NF1: variants seen among roughly 807,000 people sequenced by gnomAD.
NF1 encodes neurofibromin 1.
A neutral mutation model predicts 325.7 loss-of-function variants in NF1; 122 were observed. That is an observed-to-expected ratio of 0.37 (90% confidence interval 0.32 to 0.44). The LOEUF is 0.44. Ranked by LOEUF, NF1 falls within the 20% of genes least tolerant of loss-of-function variation. The pLI is 1.00. For missense variants in NF1, 2,140 were observed against 3,415.4 expected, an observed-to-expected ratio of 0.63 and a Z score of 9.31; for synonymous variants, 1,091 against 1,186.0, an observed-to-expected ratio of 0.92 and a Z score of 1.65.
intron 34 of NF1, 31 bp from the exon 35 acceptor site, chr17:31,261,680 A>T: frequency 1.2e-6 from 2 of 1,611,172 alleles, no homozygotes; most frequent in Admixed American, 1.7e-5. Flanking sequence ...TGAACTGCTA[A>T]TTTTTTTTCT....
At chr17:31,350,088 A>G in intron 49 of NF1, 95 bp from the exon 50 acceptor site, 2 of 1,271,916 alleles carry the variant, frequency 1.6e-6, no homozygotes, top group South Asian at 2.4e-5. Context: ...TTTAACAGGT[A>G]CTATGCTCTT....
intron 31 of NF1, among the ~76,000 whole-genome samples, chr17:31,257,954 T>C (rs2067612045): frequency 1.3e-5 from 2 of 152,218 alleles, no homozygotes; most frequent in Admixed American, 6.5e-5. Context: ...TTTCACGTTA[T>C]AAAGTTGACC....
chr17:31,332,492 T>C (rs886117685), intron 39 of NF1, among the ~76,000 whole-genome samples: 11 of 151,450 alleles, frequency 7.3e-5, no homozygotes, highest in Non-Finnish European at 4.4e-5. Flanking sequence ...AATAAATGAA[T>C]GAATGAATGA....
chr17:31,320,489 T>A, intron 36 of NF1: 1 of 1,464,700 alleles, frequency 6.8e-7, no homozygotes, highest in Non-Finnish European at 9.5e-7. Context: ...ATGGTTGTTA[T>A]ATGTCATTGG....
At position 31,327,709 on chromosome 17, in the gene NF1, A is replaced by G. The variant is rs1299780528; in HGVS notation, c.5479A>G (p.Ile1827Val). Residue 1827 changes from isoleucine to valine, a missense_variant, in exon 38 of 58, where the codon ATC becomes GTC. Coordinates refer to ENST00000358273, the MANE Select transcript of NF1 (RefSeq NM_001042492.3). ...AGCCATTGTCCAGTCTATCATTCAT[A>G]TCCGGACCCGCTGGGAACTGTCACA... ...CEAIVQSIIH[I>V]RTRWELSQPD... 1 of 1,614,136 alleles carries G rather than the reference A, an allele frequency of 6.2e-7. No homozygotes were observed. Among genetic ancestry groups the G allele is most frequent in the Non-Finnish European group, 8.5e-7 (1 of 1,180,016 alleles).
chr17:31,252,026 G>C (rs943072188), intron 30 of NF1: 4 of 211,810 alleles, frequency 1.9e-5, no homozygotes, highest in African/African-American at 9.1e-5. Context: ...GTCCAATCAA[G>C]AGTCTTTTAA....
At chr17:31,287,570 G>A (rs2068256570) in intron 36 of NF1, among the ~76,000 whole-genome samples, 1 of 151,384 alleles carries the variant, frequency 6.6e-6, no homozygotes, top group Non-Finnish European at 1.5e-5. Flanking sequence ...GTGTGTGTGT[G>A]TGTGTGTGAC....
At chr17:31,294,924 T>A in intron 36 of NF1, 1 of 1,562,318 alleles carries the variant, frequency 6.4e-7, no homozygotes, top group Non-Finnish European at 8.8e-7. Context: ...TAAATATAGC[T>A]CGAATCACTG....
At chr17:31,137,495 C>T (rs1915862261) in intron 1 of NF1, 1 of 152,126 alleles carries the variant, frequency 6.6e-6, no homozygotes, top group African/African-American at 2.4e-5. Flanking sequence ...CAGTTTTTCA[C>T]ATAGGGTCAA....
Position 31,258,472 on chromosome 17 carries a change from A to C in NF1, c.4302A>C (p.Arg1434Ser), listed in dbSNP as rs1209779641. 1 of 1,613,968 alleles carries C rather than the reference A, an allele frequency of 6.2e-7. No individual in the cohort carries two copies. The highest frequency in any genetic ancestry group is 2.2e-5 in the East Asian group (1 of 44,862). Residue 1434 changes from arginine to serine, a missense_variant, in exon 32 of 58, where the codon AGA (arginine) becomes AGC (serine). Around this residue, in one of 10 missense-constraint regions of NF1, gnomAD observed 336 missense variants for 399.0 expected, o/e 0.84. Coordinates refer to ENST00000358273, the MANE Select transcript of NF1 (RefSeq NM_001042492.3). ...TTTTAGATAAAAAGCCACCACCTAG[A>C]ATCGAAAGGGGCTTGAAGTTAATGT... ...AGILDKKPPP[R>S]IERGLKLMSK...
intron 38 of NF1, among the ~76,000 whole-genome samples, chr17:31,329,842 AG>A (rs919111461): frequency 6.6e-6 from 1 of 152,194 alleles, no homozygotes; most frequent in Non-Finnish European, 1.5e-5. Context: ...GATGAAGGGA[AG>A]GGCCATCTGA....
chr17:31,234,521 A>G (rs1164417127), intron 27 of NF1, among the ~76,000 whole-genome samples: 2 of 151,760 alleles, frequency 1.3e-5, no homozygotes, highest in Non-Finnish European at 2.9e-5. Context: ...AAAAAATACA[A>G]AAAAATCAGC....
rs137854557 is a variant in NF1, at chr17:31,214,524, A to G, written c.1466A>G (p.Tyr489Cys). Residue 489 changes from tyrosine to cysteine, a missense_variant, in exon 13 of 58, where the codon TAT becomes TGT. Transcript: ENST00000358273. ...EKPTDLETRS[Y>C]KYLLLSMVKL... ...CCTACAGACCTGGAGACAAGAAGCT[A>G]TAAGTATCTTCTCTTGTCCATGGTG... 4 of 1,611,968 alleles carry G rather than the reference A, an allele frequency of 2.5e-6. No individual in the cohort carries two copies. Among genetic ancestry groups the G allele is most frequent in the Non-Finnish European group, 3.4e-6 (4 of 1,178,508 alleles).
chr17:31,260,914 G>T (rs922647887), intron 34 of NF1, among the ~76,000 whole-genome samples: 3 of 152,082 alleles, frequency 2.0e-5, no homozygotes, highest in South Asian at 2.1e-4. Flanking sequence ...AAACTCATTC[G>T]TGATACTCTT....
intron 16 of NF1, among the ~76,000 whole-genome samples, chr17:31,223,853 C>CA (rs1229064393): frequency 1.3e-5 from 2 of 152,140 alleles, no homozygotes; most frequent in East Asian, 3.8e-4. Flanking sequence ...CTGCTATAAC[C>CA]AGAGTAGCTT....
At chr17:31,300,303 T>C (rs2068547467) in intron 36 of NF1, among the ~76,000 whole-genome samples, 1 of 152,062 alleles carries the variant, frequency 6.6e-6, no homozygotes, top group South Asian at 2.1e-4. Context: ...TTTTTATTAG[T>C]TTTTCGTTGT....
intron 36 of NF1, among the ~76,000 whole-genome samples, chr17:31,301,597 A>G (rs1402308139): frequency 6.6e-6 from 1 of 152,208 alleles, no homozygotes; most frequent in African/African-American, 2.4e-5. Context: ...CTGACACCAA[A>G]TAGAAGACTT....
intron 1 of NF1, among the ~76,000 whole-genome samples, chr17:31,149,271 T>C (rs891740725): frequency 2.0e-5 from 3 of 151,206 alleles, no homozygotes; most frequent in African/African-American, 7.4e-5. Context: ...TACACTTATA[T>C]ACATGTACAC....
At chr17:31,114,984 A>G (rs1913773932) in intron 1 of NF1, among the ~76,000 whole-genome samples, 1 of 152,238 alleles carries the variant, frequency 6.6e-6, no homozygotes, top group South Asian at 2.1e-4. Flanking sequence ...GGGAATCCTC[A>G]GGGTTCCAGA....
Sources: allele counts gnomAD v4.1 joint callset (sites outside exome capture counted in the v4.1 genomes callset), GRCh38; gene constraint gnomAD v4.1.1; regional missense constraint gnomAD v4.1.1; transcripts MANE v1.5; gene names NCBI Gene and HGNC (gene_info 2026-07-23, HGNC 2026-07-21).